The following COL1A1 variants were observed in gnomAD, a reference collection of about 807,000 sequenced individuals.
COL1A1 encodes collagen type I alpha 1 chain, also known as collagen alpha-1(I) chain.
Under a neutral mutation model 195.7 loss-of-function variants are expected in COL1A1, and 21 were observed. The ratio of observed to expected loss-of-function variants is 0.11; its 90% CI spans 0.08 to 0.15. The LOEUF is 0.15. COL1A1 is among the 10% of genes least tolerant of loss of function. COL1A1 has a pLI of 1.00. For missense variants in COL1A1, 1,365 were observed against 2,051.0 expected (o/e 0.67, Z 6.46); for synonymous variants, 749 against 747.3 (o/e 1.00, Z -0.04).
chr17:50,194,940 G>A lies in COL1A1; in HGVS notation c.1353+107C>T. 1 of 1,479,302 alleles carries A rather than the reference G, an allele frequency of 6.8e-7. No homozygotes were observed. The allele number at this position is 1,479,302 out of a possible 1,614,324, so 91.6% of individuals were successfully genotyped here. A position where few individuals can be genotyped will look rare whatever the true frequency, so the allele number is the denominator to read the frequency against. On this transcript the variant is annotated intron_variant, in intron 20 of 50. Transcript: ENST00000225964. This position sits in a 1 kb window ranked among gnomAD's most constrained non-coding sequence, Gnocchi z 6.8. ...GTCAGGGGTTCCTGGGGGTGTGGCA[G>A]GGACTCCCCCAGAAGACTAGGGGCT...
chr17:50,200,541 G>A (rs1408319472), intron 1 of COL1A1, among the ~76,000 whole-genome samples: 1 of 152,218 alleles, frequency 6.6e-6, no homozygotes. Flanking sequence ...CGCTCTCGGG[G>A]CCATCCCCAG....
Position 50,184,352 on chromosome 17 carries a change from G to A in COL1A1, c.*1150C>T, listed in dbSNP as rs1457542401. On this transcript the variant is annotated 3_prime_UTR_variant, in exon 51 of 51. Transcript: ENST00000225964. ...AGAGGAGAGAGGTCGGAGAGCAGAGGCCTGAGAAGCCAGAGGCAGGTGGAG... is the reference window on the plus strand; with the variant it reads ...AGAGGAGAGAGGTCGGAGAGCAGAGACCTGAGAAGCCAGAGGCAGGTGGAG... 1 of 231,704 alleles carries A rather than the reference G, an allele frequency of 4.3e-6. No homozygotes were observed. Among genetic ancestry groups the A allele is most frequent in the Non-Finnish European group, 8.5e-6 (1 of 117,014 alleles). The allele number at this position is 231,704 out of a possible 1,614,324, so 14.4% of individuals were successfully genotyped here.
At chr17:50,193,844 C>T (rs535579723) in intron 25 of COL1A1, 99 bp downstream of exon 25, 123 of 1,070,692 alleles carry the variant, frequency 1.1e-4, no homozygotes, top group South Asian at 1.1e-3. Flanking sequence ...AGTGGCCACA[C>T]GGCAGGTCAG....
chr17:50,185,708 G>A, intron 50 of COL1A1, 60 bp from the exon 51 acceptor site: 1 of 1,611,908 alleles, frequency 6.2e-7, no homozygotes, highest in Non-Finnish European at 8.5e-7. Flanking sequence ...TGGAGAGAGG[G>A]CACTATGGCC....
chr17:50,196,415 T>G, intron 13 of COL1A1, 48 bp from the exon 14 acceptor site: 1 of 1,613,802 alleles, frequency 6.2e-7, no homozygotes, highest in Non-Finnish European at 8.5e-7. Context: ...GACAGCCTTG[T>G]TCCCCCAGGC....
chr17:50,194,949 C>G lies in COL1A1; in HGVS notation c.1353+98G>C. On this transcript the variant is annotated intron_variant, in intron 20 of 50. Coordinates refer to ENST00000225964, the MANE Select transcript of COL1A1 (RefSeq NM_000088.4). The surrounding 1 kb of genome is among the most constrained non-coding windows in gnomAD (Gnocchi z 6.8). ...TCCTGGGGGTGTGGCAGGGACTCCC[C>G]CAGAAGACTAGGGGCTCCTCTTCCT... 1 of 1,488,734 alleles carries G rather than the reference C, an allele frequency of 6.7e-7. No homozygotes were observed. Among genetic ancestry groups the G allele is most frequent in the Admixed American group, 1.7e-5 (1 of 59,592 alleles). The allele number at this position is 1,488,734 out of a possible 1,614,324, so 92.2% of individuals were successfully genotyped here.
chr17:50,196,570 G>A, intron 12 of COL1A1, 42 bp from the exon 13 acceptor site: 1 of 1,614,052 alleles, frequency 6.2e-7, no homozygotes, highest in Non-Finnish European at 8.5e-7. Flanking sequence ...CATTCATGGT[G>A]GGACTCTGGG....
chr17:50,199,260 G>A lies in COL1A1; in HGVS notation c.437C>T (p.Pro146Leu). ...GQPGLPGPPG[P>L]PGPPGPPGLG... Reference sequence around the variant, plus strand: ...GCCAGGGGGTCCGGGAGGTCCGGGGGGTCCGGGGGGTCCGGGAAGTCCAGG... The same window carrying A: ...GCCAGGGGGTCCGGGAGGTCCGGGGAGTCCGGGGGGTCCGGGAAGTCCAGG... Residue 146 changes from proline to leucine, a missense_variant, in exon 5 of 51, where the codon CCC becomes CTC. Physicochemically the swap from Pro to Leu is moderately conservative, Grantham distance 98. Around this residue, in one of 5 missense-constraint regions of COL1A1, gnomAD observed 194 missense variants for 221.7 expected, o/e 0.88. Transcript: ENST00000225964. The A allele has an allele frequency of 6.7e-7, 1 of 1,495,862 alleles. No homozygotes were observed. Among genetic ancestry groups the A allele is most frequent in the South Asian group, 1.3e-5 (1 of 76,778 alleles). The allele number at this position is 1,495,862 out of a possible 1,614,324, so 92.7% of individuals were successfully genotyped here.
chr17:50,189,747 C>T lies in COL1A1; in HGVS notation c.2614-15G>A. The stretch of plus-strand genomic sequence containing the variant: ...CCAGTAGCACCCTGGAAGGAGAGAA[C>T]ATAGGAACAGTCAGAGGGAGAACAG... On this transcript the variant is annotated splice_polypyrimidine_tract_variant and intron_variant, in intron 37 of 50. Coordinates refer to ENST00000225964, the MANE Select transcript of COL1A1 (RefSeq NM_000088.4). This position sits in a 1 kb window ranked among gnomAD's most constrained non-coding sequence, Gnocchi z 5.5. The T allele has an allele frequency of 1.9e-6, 3 of 1,614,034 alleles. No homozygotes were observed. The highest frequency in any genetic ancestry group is 2.5e-6 in the Non-Finnish European group (3 of 1,179,986).
At chr17:50,196,436 C>T (rs753833536) in intron 13 of COL1A1, 48 bp downstream of exon 13, 1 of 1,614,044 alleles carries the variant, frequency 6.2e-7, no homozygotes, top group Admixed American at 1.7e-5. Context: ...CTCCATCTTG[C>T]CCCTGCCTCC....
rs370529603 is a variant in COL1A1, at chr17:50,187,042, G to T, written c.3504C>A (p.Arg1168=). The T allele has an allele frequency of 2.5e-6, 4 of 1,613,754 alleles. No individual in the cohort carries two copies. The highest frequency in any genetic ancestry group is 1.7e-5 in the Admixed American group (1 of 59,928). Residue 1168 remains arginine (R), a synonymous_variant, in exon 47 of 51, where the codon CGC becomes CGA. Transcript: ENST00000225964. ...LPGPIGPPGP[R]GRTGDAGPVG... ...CAGGACCAGCATCACCAGTGCGACC[G>T]CGAGGACCAGGGGGCCCAATGGGGC...
chr17:50,194,542 G>A lies in COL1A1; in HGVS notation c.1515+31C>T. The A allele has an allele frequency of 1.2e-6, 2 of 1,608,140 alleles. No individual in the cohort carries two copies. Among genetic ancestry groups the A allele is most frequent in the Non-Finnish European group, 1.7e-6 (2 of 1,177,294 alleles). The stretch of plus-strand genomic sequence containing the variant: ...GAAGAAGATGCCCAGGGAGCGGCAG[G>A]GTCAGCCCCCCGGCCGCAAGGAGAG... On this transcript the variant is annotated intron_variant, in intron 22 of 50. Coordinates refer to ENST00000225964, the MANE Select transcript of COL1A1 (RefSeq NM_000088.4). The surrounding 1 kb of genome is among the most constrained non-coding windows in gnomAD (Gnocchi z 6.8).
chr17:50,191,031 G>T, intron 32 of COL1A1, 107 bp from the exon 33 acceptor site: 1 of 1,049,846 alleles, frequency 9.5e-7, no homozygotes, highest in African/African-American at 1.6e-5. Flanking sequence ...GCTCTGCCCT[G>T]CCTCCACCTG....
At position 50,190,165 on chromosome 17, in the gene COL1A1, TG is replaced by T; in HGVS notation, c.2452-58del. 6.9e-7 allele frequency: 1 copy of T among 1,440,632 alleles called. No homozygotes were observed. Among genetic ancestry groups the T allele is most frequent in the Non-Finnish European group, 9.8e-7 (1 of 1,022,500 alleles). The allele number at this position is 1,440,632 out of a possible 1,614,324, so 89.2% of individuals were successfully genotyped here. A position where few individuals can be genotyped will look rare whatever the true frequency, so the allele number is the denominator to read the frequency against. The stretch of plus-strand genomic sequence containing the variant: ...GAAGGAGGCAGGAGTTTCCACTACC[TG>T]GGGGAGGAGCAGTAATGGAGGCAGG... On this transcript the variant is annotated intron_variant, in intron 35 of 50. Coordinates refer to ENST00000225964, the MANE Select transcript of COL1A1 (RefSeq NM_000088.4). This position sits in a 1 kb window ranked among gnomAD's most constrained non-coding sequence, Gnocchi z 4.7.
At chr17:50,193,893 C>T (rs1907321487) in intron 25 of COL1A1, 50 bp downstream of exon 25, 3 of 1,535,180 alleles carry the variant, frequency 2.0e-6, no homozygotes, top group Non-Finnish European at 2.7e-6. Flanking sequence ...TCCTTCAAGT[C>T]TCAGGTGTGT....
chr17:50,198,448 G>A lies in COL1A1; in HGVS notation c.528C>T (p.Ser176=), dbSNP rs748856187. The A allele has an allele frequency of 6.4e-5, 104 of 1,613,268 alleles. No individual in the cohort carries two copies. The highest frequency in any genetic ancestry group is 4.9e-4 in the Middle Eastern group (3 of 6,072). ...GYDEKSTGGI[S]VPGPMGPSGP... is the part of the protein sequence containing the mutation. ...GCTGGCTCACCATGGGGCCAGGCAC[G>A]GAAATTCCTCCGGTTGATTTCTCAT... Residue 176 remains serine, a synonymous_variant, in exon 6 of 51, where the codon TCC becomes TCT. Transcript: ENST00000225964.
chr17:50,198,846 G>T, intron 5 of COL1A1: 1 of 428,642 alleles, frequency 2.3e-6, no homozygotes, highest in Non-Finnish European at 4.3e-6. Flanking sequence ...GGTGGTGGGG[G>T]GTGGAATCTA....
At position 50,198,499 on chromosome 17, in the gene COL1A1, A is replaced by C; in HGVS notation, c.477T>G (p.Phe159Leu). The C allele has an allele frequency of 6.2e-7, 1 of 1,612,100 alleles. No homozygotes were observed. Among genetic ancestry groups the C allele is most frequent in the Non-Finnish European group, 8.5e-7 (1 of 1,179,144 alleles). ...CATAGCCATAAGACAGCTGGGGAGC[A>C]AAGTTCTAGAACAAACAAGAGAAGT... Reference protein sequence around the residue: ...PPGPPGLGGNFAPQLSYGYDE... With the variant: ...PPGPPGLGGNLAPQLSYGYDE... The change falls in exon 6 of 51, where the codon TTT becomes TTG. Residue 159 changes from phenylalanine to leucine, a missense_variant. Physicochemically the swap from Phe to Leu is conservative, Grantham distance 22. Coordinates refer to ENST00000225964, the MANE Select transcript of COL1A1 (RefSeq NM_000088.4).
At chr17:50,193,790 T>A (rs539456400) in intron 25 of COL1A1, 153 bp downstream of exon 25, 65 of 766,666 alleles carry the variant, frequency 8.5e-5, no homozygotes, top group Non-Finnish European at 1.1e-5. Context: ...CGAGAAGTCT[T>A]TCATTTTACA....
Sources: allele counts gnomAD v4.1 joint callset (sites outside exome capture counted in the v4.1 genomes callset), GRCh38; gene constraint gnomAD v4.1.1; regional missense constraint gnomAD v4.1.1; non-coding constraint Gnocchi (gnomAD v3.1); transcripts MANE v1.5; gene names NCBI Gene and HGNC (gene_info 2026-07-23, HGNC 2026-07-21).